KCNIP4: variants seen among roughly 807,000 people sequenced by gnomAD.
The protein encoded by KCNIP4 is Kv channel-interacting protein 4.
Under a neutral mutation model 34.0 loss-of-function variants are expected in KCNIP4, and 12 were observed. The ratio of observed to expected loss-of-function variants is 0.35; its 90% confidence interval spans 0.23 to 0.57. The LOEUF (loss-of-function observed/expected upper bound fraction) is 0.57. Among genes scored for constraint, KCNIP4 ranks in the 20% least tolerant of loss-of-function variants. The pLI, the probability that KCNIP4 is intolerant of heterozygous loss-of-function variation, is 0.83. For missense variants in KCNIP4, 238 were observed against 311.7 expected, an observed-to-expected ratio of 0.76 and a Z score of 1.78; for synonymous variants, 124 against 102.2, an observed-to-expected ratio of 1.21 and a Z score of -1.29.
intron 1 of KCNIP4, among the ~76,000 whole-genome samples, chr4:21,706,689 A>C (rs1187225670): frequency 6.6e-6 from 1 of 152,148 alleles, no homozygotes; most frequent in Non-Finnish European, 1.5e-5. Context: ...ATTCCCAAGA[A>C]GACTCTTCTC....
intron 4 of KCNIP4, among the ~76,000 whole-genome samples, chr4:20,757,057 C>T (rs958249211): frequency 1.3e-4 from 20 of 152,084 alleles, no homozygotes; most frequent in African/African-American, 3.4e-4. Context: ...CCCACAGGCA[C>T]CTCAGATGTA....
chr4:21,486,256 T>C (rs1351420629), intron 1 of KCNIP4, among the ~76,000 whole-genome samples: 1 of 152,180 alleles, frequency 6.6e-6, no homozygotes, highest in Non-Finnish European at 1.5e-5. Context: ...TGTTCAGTTC[T>C]TTTTTGGAAT....
At chr4:21,801,016 CT>C (rs879851649) in intron 1 of KCNIP4, among the ~76,000 whole-genome samples, 13 of 152,138 alleles carry the variant, frequency 8.5e-5, no homozygotes, top group Non-Finnish European at 1.3e-4. Context: ...TTGCAAGGCA[CT>C]GTGCAAGATT....
intron 1 of KCNIP4, among the ~76,000 whole-genome samples, chr4:21,937,005 T>C (rs1188463777): frequency 1.3e-5 from 2 of 152,088 alleles, no homozygotes; most frequent in African/African-American, 2.4e-5. Flanking sequence ...GTTACCATTA[T>C]CTTTCTGCAA....
At chr4:20,975,461 T>C (rs145495515) in intron 1 of KCNIP4, among the ~76,000 whole-genome samples, 4 of 152,298 alleles carry the variant, frequency 2.6e-5, no homozygotes, top group African/African-American at 9.6e-5. Flanking sequence ...TGACTCATTG[T>C]ATGACAATAC....
At chr4:21,837,929 C>T (rs974961996) in intron 1 of KCNIP4, among the ~76,000 whole-genome samples, 1 of 152,070 alleles carries the variant, frequency 6.6e-6, no homozygotes, top group Non-Finnish European at 1.5e-5. Context: ...TATCTCCAGG[C>T]ATGTTTTTCT....
chr4:21,787,056 G>T (rs1719962124), intron 1 of KCNIP4, among the ~76,000 whole-genome samples: 2 of 152,052 alleles, frequency 1.3e-5, no homozygotes, highest in African/African-American at 4.8e-5. Context: ...AATCCAAAAT[G>T]CTCCAAGATT....
chr4:20,994,541 T>G (rs564698628), intron 1 of KCNIP4, among the ~76,000 whole-genome samples: 2 of 152,110 alleles, frequency 1.3e-5, no homozygotes, highest in African/African-American at 4.8e-5. Flanking sequence ...CAATTTAGAG[T>G]GTATAAACTA....
In KCNIP4 at chr4:21,176,799, G is replaced by A. The variant is rs568075558; in HGVS notation, c.62-294090C>T. Among the ~76,000 whole-genome samples, 59 of 152,330 alleles carry A rather than the reference G, an allele frequency of 3.9e-4. 1 individual carries two copies. The highest frequency in any genetic ancestry group is 1.3e-3 in the African/African-American group (53 of 41,574). On this transcript the variant is annotated intron_variant, in intron 1 of 8. Transcript: ENST00000382152. ...GCCTCCCAAAGTGCTGGGATTACAGGCATGGGCCACCATGCCCGGCCTTGT... is the reference window on the plus strand; with the variant it reads ...GCCTCCCAAAGTGCTGGGATTACAGACATGGGCCACCATGCCCGGCCTTGT...
At chr4:21,571,009 C>T (rs892037528) in intron 1 of KCNIP4, among the ~76,000 whole-genome samples, 1 of 152,180 alleles carries the variant, frequency 6.6e-6, no homozygotes, top group African/African-American at 2.4e-5. Flanking sequence ...GCATTACATG[C>T]TTCTCCGTTT....
chr4:21,739,106 T>C (rs558046787), intron 1 of KCNIP4, among the ~76,000 whole-genome samples: 11 of 152,186 alleles, frequency 7.2e-5, no homozygotes, highest in African/African-American at 2.6e-4. Flanking sequence ...GAAGGAAAGG[T>C]AAAAATGCAT....
intron 1 of KCNIP4, among the ~76,000 whole-genome samples, chr4:21,071,702 T>C (rs1744942085): frequency 6.6e-6 from 1 of 152,172 alleles, no homozygotes; most frequent in African/African-American, 2.4e-5. Flanking sequence ...TGCAGGTTTG[T>C]TACATATGTA....
At chr4:20,852,535 A>G (rs1226780450) in intron 2 of KCNIP4, among the ~76,000 whole-genome samples, 1 of 152,170 alleles carries the variant, frequency 6.6e-6, no homozygotes, top group Non-Finnish European at 1.5e-5. Flanking sequence ...AGTGGGGAAA[A>G]GTTGAAAGCA....
At chr4:21,563,203 A>C (rs1219248276) in intron 1 of KCNIP4, among the ~76,000 whole-genome samples, 1 of 152,048 alleles carries the variant, frequency 6.6e-6, no homozygotes, top group Non-Finnish European at 1.5e-5. Flanking sequence ...ATTTGTATAT[A>C]TTGGCAGAAG....
intron 1 of KCNIP4, among the ~76,000 whole-genome samples, chr4:21,350,729 C>A (rs541155045): frequency 6.6e-6 from 1 of 152,286 alleles, no homozygotes; most frequent in African/African-American, 2.4e-5. Flanking sequence ...CAACACCACC[C>A]ATCATCAACT....
At chr4:21,021,910 G>C (rs1231436729) in intron 1 of KCNIP4, among the ~76,000 whole-genome samples, 1 of 149,166 alleles carries the variant, frequency 6.7e-6, no homozygotes, top group East Asian at 2.0e-4. Context: ...GTATAGTATA[G>C]TACATAAACC....
intron 3 of KCNIP4, among the ~76,000 whole-genome samples, chr4:20,819,089 G>T (rs1375829466): frequency 6.6e-6 from 1 of 151,830 alleles, no homozygotes; most frequent in African/African-American, 2.4e-5. Flanking sequence ...TCTCCATGTT[G>T]GTCAGGCTGG....
At chr4:21,685,183 C>T (rs1433382305) in intron 1 of KCNIP4, among the ~76,000 whole-genome samples, 2 of 152,114 alleles carry the variant, frequency 1.3e-5, no homozygotes, top group East Asian at 1.9e-4. Flanking sequence ...CACATTTTAA[C>T]ATTTTCTAAG....
chr4:21,066,711 A>G (rs1051900566), intron 1 of KCNIP4, among the ~76,000 whole-genome samples: 2 of 152,178 alleles, frequency 1.3e-5, no homozygotes, highest in South Asian at 4.1e-4. Context: ...CCCTAGCCAG[A>G]GGCAAATTGC....
Sources: gnomAD v4.1 joint callset for allele counts (sites outside exome capture counted in the v4.1 genomes callset) on GRCh38, gnomAD v4.1.1 for gene constraint, MANE v1.5 for transcripts, NCBI Gene and HGNC (gene_info 2026-07-23, HGNC 2026-07-21) for gene names.